KLHL1: variants seen among roughly 807,000 people sequenced by gnomAD.
The protein encoded by KLHL1 is kelch-like protein 1.
A neutral mutation model predicts 77.7 loss-of-function variants in KLHL1; 47 were observed. That is an observed-to-expected ratio of 0.60 (90% CI 0.48 to 0.77). The LOEUF is 0.77. Among genes scored for constraint, KLHL1 ranks in the 30% least tolerant of loss-of-function variants. The pLI is 0.00. For synonymous variants in KLHL1, 360 were observed against 325.2 expected (o/e 1.11, Z -1.15); for missense variants, 925 against 910.8 (o/e 1.02, Z -0.20).
At chr13:69,766,861 C>G (rs1593809836) in intron 7 of KLHL1, among the ~76,000 whole-genome samples, 1 of 152,092 alleles carries the variant, frequency 6.6e-6, no homozygotes, top group East Asian at 1.9e-4. Flanking sequence ...AGATTGCAAA[C>G]CTGGACAAGC....
At chr13:69,716,736 T>C (rs1287025099) in intron 9 of KLHL1, among the ~76,000 whole-genome samples, 2 of 152,188 alleles carry the variant, frequency 1.3e-5, no homozygotes, top group Non-Finnish European at 2.9e-5. Flanking sequence ...TTTTGTTTGG[T>C]ATCTTAAAGA....
Position 70,107,472 on chromosome 13 carries a change from G to A in KLHL1, c.228C>T (p.Ser76=), listed in dbSNP as rs1400154515. 6.2e-7 allele frequency: 1 copy of A among 1,614,114 alleles called. No homozygotes were observed. The highest frequency in any genetic ancestry group is 1.7e-5 in the Admixed American group (1 of 60,026). The change falls in exon 1 of 11, where the codon TCC becomes TCT. Residue 76 remains serine (S), a synonymous_variant. Coordinates refer to ENST00000377844, the MANE Select transcript of KLHL1 (RefSeq NM_020866.3). Reference sequence around the variant, plus strand: ...AAGAGGACGGGGAGGACGATGAAGAGGAAGAGGAGGAAGGCTTCTTCCAGA... The same window carrying A: ...AAGAGGACGGGGAGGACGATGAAGAAGAAGAGGAGGAAGGCTTCTTCCAGA... ...STFWKKPSSS[S]SSSSSPSSSS... is the part of the protein sequence containing the mutation.
intron 1 of KLHL1, among the ~76,000 whole-genome samples, chr13:70,023,522 C>T (rs1035553672): frequency 1.3e-5 from 2 of 151,914 alleles, no homozygotes; most frequent in Non-Finnish European, 2.9e-5. Flanking sequence ...CTAACTGCCA[C>T]AAAATATTTT....
intron 6 of KLHL1, among the ~76,000 whole-genome samples, chr13:69,817,105 A>C (rs771685834): frequency 6.6e-6 from 1 of 152,160 alleles, no homozygotes; most frequent in African/African-American, 2.4e-5. Context: ...GACATTTTCA[A>C]ATAAAATATT....
intron 1 of KLHL1, among the ~76,000 whole-genome samples, chr13:69,998,717 G>A (rs961014984): frequency 1.3e-5 from 2 of 152,010 alleles, no homozygotes; most frequent in African/African-American, 2.4e-5. Context: ...TAGGCCAGTA[G>A]TTCAGAAATC....
intron 3 of KLHL1, among the ~76,000 whole-genome samples, chr13:69,947,843 G>T: frequency 6.6e-6 from 1 of 152,044 alleles, no homozygotes; most frequent in Non-Finnish European, 1.5e-5. Context: ...AAGCAGCCAA[G>T]TATTTGACTT....
chr13:70,039,056 A>ATTTT (rs35184766), intron 1 of KLHL1, among the ~76,000 whole-genome samples: 2 of 124,686 alleles, frequency 1.6e-5, no homozygotes, highest in African/African-American at 3.1e-5. Context: ...TCCTTTGCAC[A>ATTTT]TTTTTTTTTT....
At chr13:69,741,063 A>C (rs2137930485) in intron 7 of KLHL1, among the ~76,000 whole-genome samples, 1 of 152,284 alleles carries the variant, frequency 6.6e-6, no homozygotes, top group South Asian at 2.1e-4. Flanking sequence ...TCAGAATAGT[A>C]TTTTCTGTGC....
At chr13:69,939,937 C>T (rs752281841) in intron 4 of KLHL1, 103 bp downstream of exon 4, 93 of 820,962 alleles carry the variant, frequency 1.1e-4, no homozygotes, top group Non-Finnish European at 1.4e-4. Flanking sequence ...GCATAGAAAA[C>T]TCATTTTAAA....
intron 4 of KLHL1, among the ~76,000 whole-genome samples, chr13:69,883,988 A>C (rs931813161): frequency 2.0e-5 from 3 of 152,182 alleles, no homozygotes; most frequent in Non-Finnish European, 4.4e-5. Context: ...TAGTATAAAA[A>C]CTGCAGTAGA....
chr13:69,793,828 G>A lies in KLHL1; in HGVS notation c.1639+2910C>T, dbSNP rs75299323. Among the ~76,000 whole-genome samples, 789 of 152,242 alleles carry A rather than the reference G, an allele frequency of 5.2e-3. 3 individuals are homozygous for A. The highest frequency in any genetic ancestry group is 0.018 in the African/African-American group (743 of 41,550). On this transcript the variant is annotated intron_variant, in intron 7 of 10. Coordinates refer to ENST00000377844, the MANE Select transcript of KLHL1 (RefSeq NM_020866.3). The stretch of plus-strand genomic sequence containing the variant: ...TATTTGAGAGCCTGACATCATTTGT[G>A]ACGTTCTGAGTGAGATAAAAATTTA...
chr13:69,918,605 T>C (rs1882524103), intron 4 of KLHL1, among the ~76,000 whole-genome samples: 2 of 152,204 alleles, frequency 1.3e-5, no homozygotes, highest in South Asian at 2.1e-4. Flanking sequence ...ATGTTTTCAA[T>C]AACTGGACAT....
intron 1 of KLHL1, among the ~76,000 whole-genome samples, chr13:70,070,268 T>C (rs778058884): frequency 1.3e-5 from 2 of 151,464 alleles, no homozygotes; most frequent in Non-Finnish European, 2.9e-5. Flanking sequence ...GCAAATAAGA[T>C]AAACATCAAG....
chr13:69,957,089 G>A (rs1465648144), intron 3 of KLHL1, among the ~76,000 whole-genome samples: 1 of 151,476 alleles, frequency 6.6e-6, no homozygotes, highest in Non-Finnish European at 1.5e-5. Flanking sequence ...CCAAATCAAA[G>A]GCTTATTGAA....
At chr13:70,031,097 A>C (rs1886085971) in intron 1 of KLHL1, among the ~76,000 whole-genome samples, 1 of 119,138 alleles carries the variant, frequency 8.4e-6, no homozygotes, top group Non-Finnish European at 1.8e-5. Context: ...TTGAGGCAAT[A>C]ATTAATAGCC....
At chr13:69,959,089 G>A (rs1346796815) in intron 3 of KLHL1, among the ~76,000 whole-genome samples, 3 of 151,974 alleles carry the variant, frequency 2.0e-5, no homozygotes, top group Non-Finnish European at 4.4e-5. Context: ...TAAGGTATTG[G>A]AGCACAGGCC....
At chr13:69,802,312 C>G (rs114975446) in intron 6 of KLHL1, among the ~76,000 whole-genome samples, 1 of 151,908 alleles carries the variant, frequency 6.6e-6, no homozygotes, top group Non-Finnish European at 1.5e-5. Flanking sequence ...TTGTAAATGG[C>G]GCTGCAATAA....
At chr13:69,972,370 A>C (rs1884408125) in intron 2 of KLHL1, among the ~76,000 whole-genome samples, 1 of 151,998 alleles carries the variant, frequency 6.6e-6, no homozygotes, top group Non-Finnish European at 1.5e-5. Context: ...CAGTGAAAAC[A>C]GAATATAACA....
At chr13:69,915,256 T>G (rs910987685) in intron 4 of KLHL1, among the ~76,000 whole-genome samples, 39 of 152,232 alleles carry the variant, frequency 2.6e-4, no homozygotes, top group African/African-American at 9.1e-4. Flanking sequence ...CAAGTTCATA[T>G]GGAACCAAAA....
Sources: gnomAD v4.1 joint callset for allele counts (sites outside exome capture counted in the v4.1 genomes callset) on GRCh38, gnomAD v4.1.1 for gene constraint, MANE v1.5 for transcripts, NCBI Gene and HGNC (gene_info 2026-07-23, HGNC 2026-07-21) for gene names.